OSBPL5: variants seen among roughly 807,000 people sequenced by gnomAD.
The protein encoded by OSBPL5 is oxysterol binding protein like 5, also known as oxysterol-binding protein-related protein 5.
A neutral mutation model predicts 111.2 loss-of-function variants in OSBPL5; 71 were observed. The ratio of observed to expected loss-of-function variants is 0.64; its 90% CI spans 0.53 to 0.78. The LOEUF is 0.78. Among genes scored for constraint, OSBPL5 ranks in the 30% least tolerant of loss-of-function variants. OSBPL5 has a pLI of 0.00. For synonymous variants in OSBPL5, 549 were observed against 513.9 expected, an observed-to-expected ratio of 1.07 and a Z score of -0.93; for missense variants, 1,210 against 1,189.3, an observed-to-expected ratio of 1.02 and a Z score of -0.26.
intron 1 of OSBPL5, among the ~76,000 whole-genome samples, chr11:3,139,453 A>G (rs1846044005): frequency 6.6e-6 from 1 of 152,212 alleles, no homozygotes; most frequent in South Asian, 2.1e-4. Context: ...AGGTGGAGAC[A>G]GACCCCAGTG....
In OSBPL5 at chr11:3,140,071, T is replaced by G. The variant is rs1290562025; in HGVS notation, c.-21-10902A>C. Among the ~76,000 whole-genome samples, 4 of 152,192 alleles carry G rather than the reference T, an allele frequency of 2.6e-5. No individual in the cohort carries two copies. The East Asian group carries it at 7.7e-4, about 29-fold the overall frequency. ...GGCTGTGCAGCCTGGGAGGGGGGTG[T>G]GCAGTGGTCCGCCAAGCAGCACCTC... is the stretch of plus-strand genomic sequence containing the variant. On this transcript the variant is annotated intron_variant, in intron 1 of 21. Transcript: ENST00000263650. This position sits in a 1 kb window ranked among gnomAD's most constrained non-coding sequence, Gnocchi z 4.5.
rs1460227480 is a variant in OSBPL5, at chr11:3,106,427, A to C, written c.1059+836T>G. Among the ~76,000 whole-genome samples the C allele has an allele frequency of 1.2e-4, 16 of 132,402 alleles. No homozygotes were observed. The highest frequency in any genetic ancestry group is 2.4e-4 in the East Asian group (1 of 4,124). 86.9% of individuals were successfully genotyped at this position (132,402 alleles called of 152,430 possible). On this transcript the variant is annotated intron_variant, in intron 9 of 21. Coordinates refer to ENST00000263650, the MANE Select transcript of OSBPL5 (RefSeq NM_020896.4). This position sits in a 1 kb window ranked among gnomAD's most constrained non-coding sequence, Gnocchi z 8.4. ...CACCCCAGAGCGCAGCCCCCACCCC[A>C]GAGCCCGGCTTCCTCAGCCTGCACC...
intron 1 of OSBPL5, among the ~76,000 whole-genome samples, chr11:3,145,687 G>A (rs1245681270): frequency 6.6e-6 from 1 of 152,176 alleles, no homozygotes; most frequent in Non-Finnish European, 1.5e-5. Flanking sequence ...TCAGACCCCA[G>A]ACCAGCAGGG....
At chr11:3,137,465 C>A (rs772748553) in intron 1 of OSBPL5, among the ~76,000 whole-genome samples, 1 of 152,188 alleles carries the variant, frequency 6.6e-6, no homozygotes, top group Non-Finnish European at 1.5e-5. Flanking sequence ...TCGGAATGCT[C>A]GCAAGGTGCG....
rs767494448 is a variant in OSBPL5 at position 3,089,956 on chromosome 11, G to A, written c.2399-8C>T. Reference sequence around the variant, plus strand: ...GGCATGGGCTCTCACCGCCTGGGACGGCCCCGAGTGAGACAAAGGAGGGGA... The same window carrying A: ...GGCATGGGCTCTCACCGCCTGGGACAGCCCCGAGTGAGACAAAGGAGGGGA... On this transcript the variant is annotated splice_polypyrimidine_tract_variant and splice_region_variant and intron_variant, in intron 20 of 21. Transcript: ENST00000263650. 23 of 1,526,912 alleles carry A rather than the reference G, an allele frequency of 1.5e-5. No homozygotes were observed. The highest frequency in any genetic ancestry group is 2.7e-5 in the African/African-American group (2 of 72,844). 94.6% of individuals were successfully genotyped at this position (1,526,912 alleles called of 1,614,324 possible).
At chr11:3,145,921 G>A (rs1483155535) in intron 1 of OSBPL5, among the ~76,000 whole-genome samples, 6 of 152,122 alleles carry the variant, frequency 3.9e-5, no homozygotes, top group Admixed American at 3.9e-4. Context: ...TGGGCTGAGG[G>A]TTACAGGGAC....
In OSBPL5 at chr11:3,113,401, A is replaced by G. The variant is rs1402906954; in HGVS notation, c.692-5456T>C. Among the ~76,000 whole-genome samples the G allele has an allele frequency of 2.0e-5, 3 of 152,174 alleles. No individual in the cohort carries two copies. Among genetic ancestry groups the G allele is most frequent in the Admixed American group, 2.0e-4 (3 of 15,276 alleles). On this transcript the variant is annotated intron_variant, in intron 7 of 21. Coordinates refer to ENST00000263650, the MANE Select transcript of OSBPL5 (RefSeq NM_020896.4). This position sits in a 1 kb window ranked among gnomAD's most constrained non-coding sequence, Gnocchi z 4.8. ...TTGTGTAATCTTTAATAATGCCTGT[A>G]ATCTCAGCACTTTGGGAGGCTGAGG...
intron 14 of OSBPL5, chr11:3,094,552 T>C (rs28562779): frequency 2.7e-4 from 79 of 294,448 alleles, no homozygotes; most frequent in South Asian, 1.4e-3. Context: ...GCCTGGGAGG[T>C]GCGGAGCCTG....
Position 3,114,667 on chromosome 11 carries a change from T to C in OSBPL5, c.691+4880A>G, listed in dbSNP as rs187010426. 3.8e-3 allele frequency among the ~76,000 whole-genome samples: 560 copies of C among 149,098 alleles called. 3 individuals carry two copies. The highest frequency in any genetic ancestry group is 0.013 in the African/African-American group (534 of 40,120). ...AGGCTGGAGTGCAGTGGCGTGATCT[T>C]GGCTCACTGCAAGCTCCACCTCCTG... On this transcript the variant is annotated intron_variant, in intron 7 of 21. Transcript: ENST00000263650.
In OSBPL5 at chr11:3,094,285, G is replaced by C. The variant is rs536080242; in HGVS notation, c.1671C>G (p.Ile557Met). The stretch of plus-strand genomic sequence containing the variant: ...CCTGGAAGTTGTTCTTCGCACACTC[G>C]ATGGTGACCTTCCCACCCAGCTCCA... ...MTLELGGKVTIECAKNNFQAQ... is the reference protein window; with the variant it reads ...MTLELGGKVTMECAKNNFQAQ... The change falls in exon 15 of 22, where the codon ATC (isoleucine) becomes ATG (methionine). Residue 557 changes from isoleucine to methionine, a missense_variant. Coordinates refer to ENST00000263650, the MANE Select transcript of OSBPL5 (RefSeq NM_020896.4). The C allele has an allele frequency of 6.2e-7, 1 of 1,613,610 alleles. No homozygotes were observed. The highest frequency in any genetic ancestry group is 8.5e-7 in the Non-Finnish European group (1 of 1,179,978).
At chr11:3,159,180 T>A (rs1382538147) in intron 1 of OSBPL5, among the ~76,000 whole-genome samples, 1 of 151,852 alleles carries the variant, frequency 6.6e-6, no homozygotes. Context: ...GAATGAAACA[T>A]GAGGGTCGGT....
chr11:3,135,740 G>A (rs533293888), intron 1 of OSBPL5, among the ~76,000 whole-genome samples: 17 of 152,290 alleles, frequency 1.1e-4, no homozygotes, highest in East Asian at 3.9e-4. Context: ...CCTTGCCTGC[G>A]GCAGGGTCCC....
chr11:3,089,471 G>A (rs16929108), intron 21 of OSBPL5, among the ~76,000 whole-genome samples: 6,382 of 152,288 alleles, frequency 0.042, 177 homozygotes, highest in African/African-American at 0.083. Flanking sequence ...AGAAGCCACT[G>A]TGCGCAGGTA....
intron 5 of OSBPL5, among the ~76,000 whole-genome samples, chr11:3,120,863 G>T (rs1003776895): frequency 3.3e-5 from 5 of 152,214 alleles, no homozygotes; most frequent in African/African-American, 1.2e-4. Context: ...CGGTGCCCCA[G>T]GACTCAGAGT....
rs1846069299 is a variant in OSBPL5, at chr11:3,140,307, G to A, written c.-21-11138C>T. Among the ~76,000 whole-genome samples the A allele has an allele frequency of 6.6e-6, 1 of 152,180 alleles. No individual in the cohort carries two copies. Among genetic ancestry groups the A allele is most frequent in the African/African-American group, 2.4e-5 (1 of 41,440 alleles). ...GAAGGGCCAGCATGGTGCCACCCAG[G>A]AGTGACACACACAGCCAAGCTCTCC... On this transcript the variant is annotated intron_variant, in intron 1 of 21. Coordinates refer to ENST00000263650, the MANE Select transcript of OSBPL5 (RefSeq NM_020896.4). The surrounding 1 kb of genome is among the most constrained non-coding windows in gnomAD (Gnocchi z 4.5).
chr11:3,100,166 TGGGCGTA>T lies in OSBPL5; in HGVS notation c.1606_1612del (p.Tyr536ThrfsTer10). 6.2e-7 allele frequency: 1 copy of T among 1,614,070 alleles called. No homozygotes were observed. The highest frequency in any genetic ancestry group is 8.5e-7 in the Non-Finnish European group (1 of 1,179,994). On this transcript the variant is annotated frameshift_variant, in exon 14 of 22. Coordinates refer to ENST00000263650, the MANE Select transcript of OSBPL5 (RefSeq NM_020896.4). LOFTEE classifies it high-confidence loss of function. Reference sequence around the variant, plus strand: ...GTGGCTGAGCCTCTCACCTTTGCAGTGGGCGTAGGGCATGGTAAGGGTGTAATCCTCG... The same window carrying T: ...GTGGCTGAGCCTCTCACCTTTGCAGTGGGCATGGTAAGGGTGTAATCCTCG...
intron 1 of OSBPL5, among the ~76,000 whole-genome samples, chr11:3,143,378 C>T (rs1460468174): frequency 6.6e-6 from 1 of 152,200 alleles, no homozygotes; most frequent in Non-Finnish European, 1.5e-5. Flanking sequence ...GAAACAAGCA[C>T]ACGCCCCCAG....
At position 3,142,812 on chromosome 11, in the gene OSBPL5, G is replaced by T. The variant is rs552273751; in HGVS notation, c.-21-13643C>A. Among the ~76,000 whole-genome samples the T allele has an allele frequency of 6.6e-6, 1 of 152,102 alleles. No homozygotes were observed. Among genetic ancestry groups the T allele is most frequent in the East Asian group, 1.9e-4 (1 of 5,136 alleles). Reference sequence around the variant, plus strand: ...GGATCCCCGAGCCCCATGCAGCCTTGCGGGTAGAAGGGCAGTGACTGCCCA... The same window carrying T: ...GGATCCCCGAGCCCCATGCAGCCTTTCGGGTAGAAGGGCAGTGACTGCCCA... On this transcript the variant is annotated intron_variant, in intron 1 of 21. Transcript: ENST00000263650. This position sits in a 1 kb window ranked among gnomAD's most constrained non-coding sequence, Gnocchi z 7.1.
intron 1 of OSBPL5, 41 bp from the exon 2 acceptor site, chr11:3,129,210 C>G (rs763702088): frequency 1.0e-5 from 14 of 1,355,550 alleles, no homozygotes; most frequent in Non-Finnish European, 1.1e-5. Context: ...GTCACCGCCC[C>G]GGAAGGGGCT....
Sources: gnomAD v4.1 joint callset for allele counts (sites outside exome capture counted in the v4.1 genomes callset) on GRCh38, gnomAD v4.1.1 for gene constraint, Gnocchi (gnomAD v3.1) non-coding constraint, MANE v1.5 for transcripts, NCBI Gene and HGNC (gene_info 2026-07-23, HGNC 2026-07-21) for gene names.